Variants in DYNC1I1 observed in about 807,000 individuals in gnomAD.
DYNC1I1 encodes the protein dynein cytoplasmic 1 intermediate chain 1, also known as cytoplasmic dynein 1 intermediate chain 1.
Under a neutral mutation model 86.6 loss-of-function variants are expected in DYNC1I1, and 43 were observed. That is an observed-to-expected ratio of 0.50 (90% confidence interval 0.39 to 0.64). DYNC1I1 has a LOEUF of 0.64. Ranked by LOEUF, DYNC1I1 falls within the 30% of genes least tolerant of loss-of-function variation. The probability of loss-of-function intolerance (pLI) is 0.00; values close to 1 mark genes in which losing one functional copy is unlikely to be tolerated. For synonymous variants in DYNC1I1, 262 were observed against 283.7 expected (o/e 0.92, Z 0.77); for missense variants, 604 against 788.8 (o/e 0.77, Z 2.81).
At chr7:95,880,493 T>G (rs1055745471) in intron 6 of DYNC1I1, among the ~76,000 whole-genome samples, 1 of 152,116 alleles carries the variant, frequency 6.6e-6, no homozygotes. Context: ...TTTCTTCTCC[T>G]TTGTGCCATG....
At chr7:95,810,624 C>T (rs1308073330) in intron 3 of DYNC1I1, 118 bp downstream of exon 3, 2 of 844,712 alleles carry the variant, frequency 2.4e-6, no homozygotes, top group Admixed American at 3.5e-5. Context: ...TTTTTAAAGA[C>T]ATTCTGTGGC....
chr7:95,833,439 AC>A (rs1788979951), intron 5 of DYNC1I1, among the ~76,000 whole-genome samples: 1 of 148,572 alleles, frequency 6.7e-6, no homozygotes, highest in East Asian at 2.2e-4. Context: ...CTTAGGATTG[AC>A]TTGGTGATGG....
At chr7:95,952,035 G>A (rs1257051689) in intron 6 of DYNC1I1, among the ~76,000 whole-genome samples, 2 of 150,586 alleles carry the variant, frequency 1.3e-5, no homozygotes, top group Non-Finnish European at 3.0e-5. Flanking sequence ...GGCTCTGATC[G>A]CCTGATTGAT....
intron 8 of DYNC1I1, among the ~76,000 whole-genome samples, chr7:95,985,609 AG>A (rs1302039332): frequency 3.3e-5 from 5 of 152,152 alleles, no homozygotes; most frequent in African/African-American, 1.2e-4. Context: ...GGAGAATAGG[AG>A]GGACTATATG....
At chr7:95,909,631 T>C (rs1320763932) in intron 6 of DYNC1I1, among the ~76,000 whole-genome samples, 2 of 152,154 alleles carry the variant, frequency 1.3e-5, no homozygotes, top group Non-Finnish European at 2.9e-5. Flanking sequence ...ATAAATCGCA[T>C]CACCCCCTTG....
intron 6 of DYNC1I1, among the ~76,000 whole-genome samples, chr7:95,944,186 C>T (rs935162657): frequency 5.3e-5 from 8 of 152,032 alleles, no homozygotes; most frequent in Non-Finnish European, 8.8e-5. Flanking sequence ...AAGAAAAAAA[C>T]AAACAACTCC....
chr7:96,054,429 C>T (rs923649510), intron 14 of DYNC1I1, among the ~76,000 whole-genome samples: 4 of 152,066 alleles, frequency 2.6e-5, no homozygotes, highest in Non-Finnish European at 4.4e-5. Flanking sequence ...CTATTGTGAA[C>T]GATGCTGCAA....
rs188096259 is a variant in DYNC1I1 at position 95,882,592 on chromosome 7, G to A, written c.490+12594G>A. On this transcript the variant is annotated intron_variant, in intron 6 of 16. Transcript: ENST00000447467. Reference sequence around the variant, plus strand: ...AGAAAGATCCTTGGGTGGGCTGGCAGTAACACATCTTCCAGTAATCATTAC... The same window carrying A: ...AGAAAGATCCTTGGGTGGGCTGGCAATAACACATCTTCCAGTAATCATTAC... Among the ~76,000 whole-genome samples the A allele has an allele frequency of 2.6e-5, 4 of 152,296 alleles. No individual in the cohort carries two copies. In the East Asian group the frequency reaches 7.7e-4, roughly 29 times the overall value.
intron 4 of DYNC1I1, among the ~76,000 whole-genome samples, chr7:95,826,849 A>G (rs1371394694): frequency 6.6e-6 from 1 of 152,178 alleles, no homozygotes; most frequent in Non-Finnish European, 1.5e-5. Flanking sequence ...AGGAGTATGC[A>G]GAGTTGACAT....
At chr7:95,919,518 AAG>A (rs1452580115) in intron 6 of DYNC1I1, among the ~76,000 whole-genome samples, 1 of 152,220 alleles carries the variant, frequency 6.6e-6, no homozygotes, top group Non-Finnish European at 1.5e-5. Flanking sequence ...AACAAAGTAA[AAG>A]AGAAAAAGTT....
At chr7:95,832,084 C>A (rs1370129660) in intron 5 of DYNC1I1, among the ~76,000 whole-genome samples, 1 of 148,392 alleles carries the variant, frequency 6.7e-6, no homozygotes, top group African/African-American at 2.5e-5. Flanking sequence ...CGTCATATAG[C>A]ATTAGGTATA....
At chr7:96,060,275 C>T (rs1305168997) in intron 14 of DYNC1I1, among the ~76,000 whole-genome samples, 2 of 152,152 alleles carry the variant, frequency 1.3e-5, no homozygotes, top group Non-Finnish European at 2.9e-5. Flanking sequence ...GATGTGGTCT[C>T]TTCCCCCAAG....
chr7:96,101,297 G>T (rs780674020), downstream of DYNC1I1, among the ~76,000 whole-genome samples: 8 of 152,164 alleles, frequency 5.3e-5, no homozygotes, highest in Non-Finnish European at 1.0e-4. Flanking sequence ...GAATGGAGAC[G>T]CAGGAGACTG....
intron 5 of DYNC1I1, among the ~76,000 whole-genome samples, chr7:95,837,958 C>T (rs1051666228): frequency 4.6e-5 from 7 of 152,176 alleles, no homozygotes; most frequent in Non-Finnish European, 7.3e-5. Context: ...AACTGTAGAC[C>T]AGAGCTGTTC....
At chr7:95,920,114 T>A (rs1791572516) in intron 6 of DYNC1I1, among the ~76,000 whole-genome samples, 1 of 152,176 alleles carries the variant, frequency 6.6e-6, no homozygotes, top group Non-Finnish European at 1.5e-5. Flanking sequence ...GGAGTAATCC[T>A]ATAGTCGAGG....
At chr7:95,951,061 T>C (rs1199330848) in intron 6 of DYNC1I1, among the ~76,000 whole-genome samples, 1 of 152,212 alleles carries the variant, frequency 6.6e-6, no homozygotes, top group African/African-American at 2.4e-5. Context: ...GATTATACCA[T>C]TAAAGTTTTC....
chr7:95,938,746 G>T (rs1295230860), intron 6 of DYNC1I1, among the ~76,000 whole-genome samples: 2 of 152,168 alleles, frequency 1.3e-5, no homozygotes, highest in Non-Finnish European at 2.9e-5. Context: ...TAATGGTGGT[G>T]ATTGGGGTGG....
At chr7:95,968,838 G>GTGTA (rs1411471774) in intron 6 of DYNC1I1, among the ~76,000 whole-genome samples, 1 of 147,208 alleles carries the variant, frequency 6.8e-6, no homozygotes. Context: ...GTGTGTGTGT[G>GTGTA]TGTGTGTGTG....
rs546728325 is a variant in DYNC1I1, at chr7:96,091,514, C to A, written c.1777-5969C>A. On this transcript the variant is annotated intron_variant, in intron 16 of 16. Transcript: ENST00000447467. Reference sequence around the variant, plus strand: ...GCCATACTTCATGTATCTGAGAAACCAACTGAAATCAGAGCGCTTTTCTAA... The same window carrying A: ...GCCATACTTCATGTATCTGAGAAACAAACTGAAATCAGAGCGCTTTTCTAA... Among the ~76,000 whole-genome samples, 34 of 152,118 alleles carry A rather than the reference C, an allele frequency of 2.2e-4. No homozygotes were observed. The South Asian group carries it at 5.8e-3, about 26-fold the overall frequency.
Sources: allele counts gnomAD v4.1 joint callset (sites outside exome capture counted in the v4.1 genomes callset), GRCh38; gene constraint gnomAD v4.1.1; transcripts MANE v1.5; gene names NCBI Gene and HGNC (gene_info 2026-07-23, HGNC 2026-07-21).